The following SLC38A11 variants were observed in gnomAD, a reference collection of about 807,000 sequenced individuals.
The protein encoded by SLC38A11 is solute carrier family 38 member 11.
In SLC38A11, 51 loss-of-function variants were observed where a neutral mutation model predicts 49.4. That is an observed-to-expected ratio of 1.03 (90% confidence interval 0.83 to 1.30). The LOEUF (loss-of-function observed/expected upper bound fraction) is 1.30. Among genes scored for constraint, SLC38A11 ranks in the 50% most tolerant of loss-of-function variants. The pLI, the probability that SLC38A11 is intolerant of heterozygous loss-of-function variation, is 0.00. For synonymous variants in SLC38A11, 203 were observed against 192.9 expected, an observed-to-expected ratio of 1.05 and a Z score of -0.43; for missense variants, 574 against 556.2, an observed-to-expected ratio of 1.03 and a Z score of -0.32.
chr2:164,943,353 C>T (rs1298407702), intron 5 of SLC38A11, among the ~76,000 whole-genome samples: 1 of 152,178 alleles, frequency 6.6e-6, no homozygotes, highest in Non-Finnish European at 1.5e-5. Flanking sequence ...TGTCCCTGAA[C>T]TGGGTGATAG....
Position 164,915,281 on chromosome 2 carries a change from AC to A in SLC38A11, c.689-9del, listed in dbSNP as rs1685700305. ...TATGGTGGCAAATAAATGCTGCAAT[AC>A]AAAAAAAAAGAGCATTATTAAATCA... On this transcript the variant is annotated splice_polypyrimidine_tract_variant and intron_variant, in intron 8 of 11. Coordinates refer to ENST00000685975, the MANE Select transcript of SLC38A11 (RefSeq NM_001351537.2). 6.3e-7 allele frequency: 1 copy of A among 1,582,726 alleles called. No individual in the cohort carries two copies. Among genetic ancestry groups the A allele is most frequent in the Non-Finnish European group, 8.5e-7 (1 of 1,170,124 alleles).
rs181811159 is a variant in SLC38A11, at chr2:164,910,293, G to A, written c.963+1343C>T. Among the ~76,000 whole-genome samples, 162 of 152,160 alleles carry A rather than the reference G, an allele frequency of 1.1e-3. 1 individual carries two copies. The highest frequency in any genetic ancestry group is 3.5e-3 in the African/African-American group (144 of 41,546). On this transcript the variant is annotated intron_variant, in intron 10 of 11. Coordinates refer to ENST00000685975, the MANE Select transcript of SLC38A11 (RefSeq NM_001351537.2). The stretch of plus-strand genomic sequence containing the variant: ...TTGTGCAGGTGAAGTGACTCAGATC[G>A]TCTGCAGGCAGGCAGTTTACTAGCA...
chr2:164,952,030 T>G (rs1688557377), intron 3 of SLC38A11, among the ~76,000 whole-genome samples: 1 of 152,144 alleles, frequency 6.6e-6, no homozygotes, highest in Admixed American at 6.5e-5. Flanking sequence ...GACGCCATGT[T>G]TGTCATAAGG....
chr2:164,913,169 TC>T (rs201030239), intron 9 of SLC38A11, among the ~76,000 whole-genome samples: 1 of 151,708 alleles, frequency 6.6e-6, no homozygotes, highest in Non-Finnish European at 1.5e-5. Context: ...CTCTCACCCC[TC>T]CCCCCATCAA....
At chr2:164,936,888 T>C (rs1479747484) in intron 7 of SLC38A11, among the ~76,000 whole-genome samples, 1 of 152,188 alleles carries the variant, frequency 6.6e-6, no homozygotes, top group East Asian at 1.9e-4. Context: ...TCAGTTTTTA[T>C]CCTTAGTTCA....
At chr2:164,948,131 A>C (rs1329706319) in intron 3 of SLC38A11, among the ~76,000 whole-genome samples, 3 of 152,198 alleles carry the variant, frequency 2.0e-5, no homozygotes, top group African/African-American at 7.2e-5. Flanking sequence ...TCATCTGTAA[A>C]GTAAGGCAAT....
chr2:164,914,009 C>T (rs1288314506), intron 9 of SLC38A11, among the ~76,000 whole-genome samples: 2 of 151,936 alleles, frequency 1.3e-5, no homozygotes, highest in Non-Finnish European at 2.9e-5. Context: ...GAAAACTAAG[C>T]TAATGGGAGC....
At chr2:164,901,187 G>A (rs1002042806) in intron 11 of SLC38A11, among the ~76,000 whole-genome samples, 5 of 152,116 alleles carry the variant, frequency 3.3e-5, no homozygotes, top group East Asian at 3.9e-4. Flanking sequence ...GTATCATACC[G>A]TTTTGATTAC....
At chr2:164,918,205 G>T (rs1385004385) in intron 7 of SLC38A11, among the ~76,000 whole-genome samples, 1 of 152,040 alleles carries the variant, frequency 6.6e-6, no homozygotes, top group African/African-American at 2.4e-5. Context: ...TGTAAATGCT[G>T]AAATATGAAA....
intron 7 of SLC38A11, among the ~76,000 whole-genome samples, chr2:164,917,474 G>A (rs1479835856): frequency 6.6e-6 from 1 of 152,160 alleles, no homozygotes; most frequent in Admixed American, 6.6e-5. Context: ...CCAGTTTTGG[G>A]AGTGGGAACT....
chr2:164,907,303 T>A (rs1352342149), intron 11 of SLC38A11, among the ~76,000 whole-genome samples: 3 of 123,124 alleles, frequency 2.4e-5, no homozygotes, highest in Non-Finnish European at 3.2e-5. Context: ...AGACCGGGTC[T>A]CACTCTGTTG....
At chr2:164,899,013 A>T (rs1184005003) in intron 11 of SLC38A11, among the ~76,000 whole-genome samples, 1 of 152,164 alleles carries the variant, frequency 6.6e-6, no homozygotes, top group Admixed American at 6.6e-5. Flanking sequence ...AAAGCAGATA[A>T]TAGGACTGAC....
chr2:164,936,547 A>T (rs987137414), intron 7 of SLC38A11, among the ~76,000 whole-genome samples: 1 of 152,168 alleles, frequency 6.6e-6, no homozygotes, highest in African/African-American at 2.4e-5. Flanking sequence ...TAGAGAAAAC[A>T]TTTAAGGTAT....
intron 11 of SLC38A11, among the ~76,000 whole-genome samples, chr2:164,904,955 AT>A (rs1272722657): frequency 1.3e-5 from 2 of 152,008 alleles, no homozygotes; most frequent in South Asian, 2.1e-4. Context: ...TCAAATCTGT[AT>A]TTTTTTACTT....
At position 164,954,247 on chromosome 2, in the gene SLC38A11, C is replaced by T. The variant is rs182697380; in HGVS notation, c.154+384G>A. On this transcript the variant is annotated intron_variant, in intron 2 of 11. Transcript: ENST00000685975. ...ACAAATATCTGGAAGTTTTATACTT[C>T]TAGAAAGTTAAAGAAAGATGATTCA... 3.1e-3 allele frequency among the ~76,000 whole-genome samples: 474 copies of T among 152,176 alleles called. 1 individual carries two copies. Among genetic ancestry groups the T allele is most frequent in the African/African-American group, 0.011 (449 of 41,522 alleles).
At chr2:164,929,868 C>T (rs1022913358) in intron 7 of SLC38A11, among the ~76,000 whole-genome samples, 1 of 149,780 alleles carries the variant, frequency 6.7e-6, no homozygotes, top group African/African-American at 2.4e-5. Flanking sequence ...ACTAAAGAAC[C>T]AAGAGAAAAC....
chr2:164,907,270 C>CTTTT (rs60527900), intron 11 of SLC38A11, among the ~76,000 whole-genome samples: 4,960 of 97,836 alleles, frequency 0.051, 262 homozygotes, highest in Admixed American at 0.065. Context: ...CTTCTTTTCT[C>CTTTT]TTTTTTTTTT....
intron 6 of SLC38A11, among the ~76,000 whole-genome samples, chr2:164,938,885 T>C (rs1032220254): frequency 6.6e-6 from 1 of 152,162 alleles, no homozygotes; most frequent in Non-Finnish European, 1.5e-5. Context: ...AATGAGCATC[T>C]GTAGTGAACT....
intron 7 of SLC38A11, among the ~76,000 whole-genome samples, chr2:164,920,562 A>G (rs749442558): frequency 6.3e-4 from 96 of 152,294 alleles, no homozygotes; most frequent in Non-Finnish European, 1.1e-3. Context: ...AAGACACTCT[A>G]TGAAAACGAA....
Sources: allele counts gnomAD v4.1 joint callset (sites outside exome capture counted in the v4.1 genomes callset), GRCh38; gene constraint gnomAD v4.1.1; transcripts MANE v1.5; gene names NCBI Gene and HGNC (gene_info 2026-07-23, HGNC 2026-07-21).